PPP4R2: variants seen among roughly 807,000 people sequenced by gnomAD.
The protein encoded by PPP4R2 is serine/threonine-protein phosphatase 4 regulatory subunit 2.
A neutral mutation model predicts 47.2 loss-of-function variants in PPP4R2; 13 were observed. The observed-to-expected ratio is 0.28, with a 90% CI of 0.18 to 0.44. The LOEUF is 0.44. Ranked by LOEUF, PPP4R2 falls within the 20% of genes least tolerant of loss-of-function variation. The pLI, the probability that PPP4R2 is intolerant of heterozygous loss-of-function variation, is 1.00. For synonymous variants in PPP4R2, 151 were observed against 163.3 expected (o/e 0.92, Z 0.57); for missense variants, 421 against 491.2 (o/e 0.86, Z 1.35).
At chr3:73,003,401 C>A (rs187804590) in intron 2 of PPP4R2, among the ~76,000 whole-genome samples, 1 of 151,864 alleles carries the variant, frequency 6.6e-6, no homozygotes, top group Admixed American at 6.6e-5. Flanking sequence ...TTAGTAGAGA[C>A]GGGGTTTCGC....
At position 73,016,742 on chromosome 3, in the gene PPP4R2, AT is replaced by A. The variant is rs766495587; in HGVS notation, c.116+18596del. On this transcript the variant is annotated intron_variant, in intron 2 of 8. Coordinates refer to ENST00000356692, the MANE Select transcript of PPP4R2 (RefSeq NM_174907.4). ...TATTGGTTCATTGTTTATTTTTATT[AT>A]TTTTTTTTTTTAATACAGAGTCTCA... Among the ~76,000 whole-genome samples the A allele has an allele frequency of 8.3e-4, 77 of 93,018 alleles. 1 individual carries two copies. The highest frequency in any genetic ancestry group is 2.7e-3 in the East Asian group (8 of 2,944). 61.0% of individuals were successfully genotyped at this position (93,018 alleles called of 152,430 possible).
At position 73,014,239 on chromosome 3, in the gene PPP4R2, C is replaced by G. The variant is rs1466554964; in HGVS notation, c.116+16081C>G. On this transcript the variant is annotated intron_variant, in intron 2 of 8. Transcript: ENST00000356692. ...TACTAGCAGTATATGAAAGTTATCT[C>G]TATATCCATGTTAGCACCAAGCATT... 2.3e-5 allele frequency among the ~76,000 whole-genome samples: 3 copies of G among 130,168 alleles called. 1 individual carries two copies. Among genetic ancestry groups the G allele is most frequent in the African/African-American group, 8.0e-5 (3 of 37,328 alleles). 85.4% of individuals were successfully genotyped at this position (130,168 alleles called of 152,430 possible).
Position 73,030,850 on chromosome 3 carries a change from C to T in PPP4R2, c.117-16336C>T, listed in dbSNP as rs532389809. On this transcript the variant is annotated intron_variant, in intron 2 of 8. Coordinates refer to ENST00000356692, the MANE Select transcript of PPP4R2 (RefSeq NM_174907.4). The stretch of plus-strand genomic sequence containing the variant: ...CTGAGTAGCTGGGATTACAAGCACG[C>T]GCCACCATGCCTGGCTAATTTTTGT... Among the ~76,000 whole-genome samples, 601 of 151,968 alleles carry T rather than the reference C, an allele frequency of 4.0e-3. 7 individuals carry two copies. The highest frequency in any genetic ancestry group is 0.013 in the African/African-American group (544 of 41,442).
chr3:73,000,079 G>A (rs1481785564), intron 2 of PPP4R2, among the ~76,000 whole-genome samples: 11 of 152,180 alleles, frequency 7.2e-5, no homozygotes, highest in African/African-American at 2.7e-4. Flanking sequence ...TTTAGGATGG[G>A]TGGATTGCTT....
intron 2 of PPP4R2, among the ~76,000 whole-genome samples, 163 bp downstream of exon 2, chr3:72,998,321 C>A (rs562985712): frequency 7.9e-5 from 12 of 152,128 alleles, no homozygotes; most frequent in Non-Finnish European, 1.3e-4. Context: ...AGAACGTATA[C>A]GCTTACTTAC....
chr3:73,035,925 A>G (rs1320573919), intron 2 of PPP4R2, among the ~76,000 whole-genome samples: 2 of 152,228 alleles, frequency 1.3e-5, no homozygotes, highest in African/African-American at 2.4e-5. Flanking sequence ...CAATACCTGC[A>G]CTTTAATATT....
At chr3:73,062,248 A>T (rs375687114) in intron 5 of PPP4R2, 2 of 1,598,122 alleles carry the variant, frequency 1.3e-6, no homozygotes, top group Admixed American at 1.8e-5. Flanking sequence ...AAGGACTCAC[A>T]GCCCAGCAGC....
At chr3:73,014,957 A>AT (rs1701793238) in intron 2 of PPP4R2, 1 of 693,348 alleles carries the variant, frequency 1.4e-6, no homozygotes, top group African/African-American at 1.8e-5. Flanking sequence ...ACCTGCCTCA[A>AT]CTTCCCAAAC....
At position 73,065,694 on chromosome 3, in the gene PPP4R2, T is replaced by C; in HGVS notation, c.1226T>C (p.Val409Ala). 6.2e-7 allele frequency: 1 copy of C among 1,607,686 alleles called. No individual in the cohort carries two copies. The highest frequency in any genetic ancestry group is 8.5e-7 in the Non-Finnish European group (1 of 1,175,056). ...GAAAATGATGACGAAGCCACAGAAG[T>C]CACCGATGAACCAATGGAACAAGAC... ...SMENDDEATE[V>A]TDEPMEQD is the part of the protein sequence containing the mutation. The change falls in exon 9 of 9, where the codon GTC becomes GCC. Residue 409 changes from valine to alanine, a missense_variant. Physicochemically the swap from Val to Ala is moderately conservative, Grantham distance 64 (BLOSUM62 0). Coordinates refer to ENST00000356692, the MANE Select transcript of PPP4R2 (RefSeq NM_174907.4).
At chr3:73,012,317 T>C (rs1237246499) in intron 2 of PPP4R2, among the ~76,000 whole-genome samples, 2 of 152,206 alleles carry the variant, frequency 1.3e-5, no homozygotes, top group African/African-American at 4.8e-5. Flanking sequence ...TCTTTTTTTT[T>C]GAGACGGAGT....
At chr3:73,001,771 T>G (rs1701466897) in intron 2 of PPP4R2, among the ~76,000 whole-genome samples, 2 of 152,026 alleles carry the variant, frequency 1.3e-5, no homozygotes, top group South Asian at 4.2e-4. Context: ...CCTGAGTAGC[T>G]GGGACTACAG....
Position 73,068,947 on chromosome 3 carries a change from C to T in PPP4R2, c.*3225C>T, listed in dbSNP as rs1170642065. The T allele has an allele frequency of 6.6e-6, 1 of 152,002 alleles. No homozygotes were observed. The highest frequency in any genetic ancestry group is 6.5e-5 in the Admixed American group (1 of 15,268). The allele number at this position is 152,002 out of a possible 1,614,324, so 9.4% of individuals were successfully genotyped here. The stretch of plus-strand genomic sequence containing the variant: ...GTTTTGATGAAGGTGAGGGTCAGTT[C>T]TCAAGATTTGTGCTAATCATAAAAT... On this transcript the variant is annotated 3_prime_UTR_variant, in exon 9 of 9. Coordinates refer to ENST00000356692, the MANE Select transcript of PPP4R2 (RefSeq NM_174907.4).
At chr3:73,012,117 G>A (rs1261724645) in intron 2 of PPP4R2, among the ~76,000 whole-genome samples, 1 of 152,152 alleles carries the variant, frequency 6.6e-6, no homozygotes, top group Non-Finnish European at 1.5e-5. Flanking sequence ...TGGATGCTCA[G>A]TCCCTGATGT....
intron 2 of PPP4R2, among the ~76,000 whole-genome samples, chr3:73,037,957 A>C (rs1702299181): frequency 6.6e-6 from 1 of 152,210 alleles, no homozygotes; most frequent in African/African-American, 2.4e-5. Context: ...AAGGATTGTT[A>C]CATATTTCTT....
chr3:73,028,696 C>G (rs2107270688), intron 2 of PPP4R2, among the ~76,000 whole-genome samples: 1 of 152,234 alleles, frequency 6.6e-6, no homozygotes, highest in Admixed American at 6.5e-5. Context: ...CCTAGGCCTC[C>G]CAAAGTGCTG....
At chr3:73,025,284 A>G (rs1467389353) in intron 2 of PPP4R2, among the ~76,000 whole-genome samples, 3 of 152,260 alleles carry the variant, frequency 2.0e-5, no homozygotes, top group African/African-American at 4.8e-5. Flanking sequence ...TGTGAAGGTT[A>G]TAATGGCAAC....
At chr3:73,057,003 T>C (rs916785421) in intron 3 of PPP4R2, among the ~76,000 whole-genome samples, 2 of 152,142 alleles carry the variant, frequency 1.3e-5, no homozygotes, top group Non-Finnish European at 1.5e-5. Context: ...GGTGCTATTT[T>C]GTATATTTTG....
intron 2 of PPP4R2, among the ~76,000 whole-genome samples, chr3:73,028,959 G>GT (rs1443940259): frequency 1.3e-5 from 2 of 152,068 alleles, no homozygotes; most frequent in South Asian, 2.1e-4. Context: ...TTTTGTTGTT[G>GT]TTTTTTTGAG....
chr3:73,067,101 C>T lies in PPP4R2; in HGVS notation c.*1379C>T, dbSNP rs373814642. 9.2e-5 allele frequency: 14 copies of T among 152,020 alleles called. No homozygotes were observed. In the South Asian group the frequency reaches 2.5e-3, roughly 27 times the overall value. 9.4% of individuals were successfully genotyped at this position (152,020 alleles called of 1,614,324 possible). On this transcript the variant is annotated 3_prime_UTR_variant, in exon 9 of 9. Transcript: ENST00000356692. ...TAATGTGTTCACTGCCTTTGTGAAG[C>T]GGTATATAATTGTATAATTTCTGTG...
Sources: gnomAD v4.1 joint callset for allele counts (sites outside exome capture counted in the v4.1 genomes callset) on GRCh38, gnomAD v4.1.1 for gene constraint, MANE v1.5 for transcripts, NCBI Gene and HGNC (gene_info 2026-07-23, HGNC 2026-07-21) for gene names.